The following NBEAL1 variants were observed in gnomAD, a reference collection of about 807,000 sequenced individuals.
NBEAL1 encodes neurobeachin-like protein 1.
Under a neutral mutation model 351.3 loss-of-function variants are expected in NBEAL1, and 273 were observed. The observed-to-expected ratio is 0.78, with a 90% confidence interval of 0.70 to 0.86. The LOEUF (loss-of-function observed/expected upper bound fraction) is 0.86. NBEAL1 is among the 40% of genes least tolerant of loss of function. NBEAL1 has a pLI of 0.00. For missense variants in NBEAL1, 2,961 were observed against 3,201.3 expected (o/e 0.92, Z 1.81); for synonymous variants, 1,050 against 1,086.4 (o/e 0.97, Z 0.66).
chr2:203,148,764 G>T (rs191533871), intron 33 of NBEAL1, among the ~76,000 whole-genome samples: 17 of 150,596 alleles, frequency 1.1e-4, no homozygotes, highest in African/African-American at 3.9e-4. Flanking sequence ...ATTGTTGGTT[G>T]GTTTTTTTTT....
At chr2:203,200,819 T>A (rs2065376637) in intron 49 of NBEAL1, among the ~76,000 whole-genome samples, 1 of 152,278 alleles carries the variant, frequency 6.6e-6, no homozygotes, top group South Asian at 2.1e-4. Flanking sequence ...CTTCCTCAAC[T>A]AGAATACAAC....
In NBEAL1 at chr2:203,209,183, C is replaced by T. The variant is rs770424685; in HGVS notation, c.7646C>T (p.Thr2549Ile). The stretch of plus-strand genomic sequence containing the variant: ...TAGGATGGAACGGTGATTATACATA[C>T]CATTCAGAAAGGTCAGTACATGAGG... ...GSRDGTVIIHTIQKGQYMRTL... is the reference protein window; with the variant it reads ...GSRDGTVIIHIIQKGQYMRTL... The change falls in exon 53 of 56, where the codon ACC (threonine) becomes ATC (isoleucine). Residue 2549 changes from threonine to isoleucine, a missense_variant. Transcript: ENST00000683969. 4 of 1,613,224 alleles carry T rather than the reference C, an allele frequency of 2.5e-6. No homozygotes were observed. Among genetic ancestry groups the T allele is most frequent in the Non-Finnish European group, 3.4e-6 (4 of 1,179,358 alleles).
chr2:203,201,539 A>G lies in NBEAL1; in HGVS notation c.7239-4A>G. ...AAAAGTCTGATATTTAATTGTGTTT[A>G]CAGAACTCAGCGCAGTATAAATGGT... On this transcript the variant is annotated splice_region_variant and splice_polypyrimidine_tract_variant and intron_variant, in intron 49 of 55. Coordinates refer to ENST00000683969, the MANE Select transcript of NBEAL1 (RefSeq NM_001378026.1). The G allele has an allele frequency of 6.5e-7, 1 of 1,530,562 alleles. No homozygotes were observed. Among genetic ancestry groups the G allele is most frequent in the East Asian group, 2.3e-5 (1 of 43,434 alleles). The allele number at this position is 1,530,562 out of a possible 1,614,324, so 94.8% of individuals were successfully genotyped here. A position where few individuals can be genotyped will look rare whatever the true frequency, so the allele number is the denominator to read the frequency against.
intron 24 of NBEAL1, among the ~76,000 whole-genome samples, chr2:203,128,783 A>C (rs1233725890): frequency 6.6e-6 from 1 of 151,780 alleles, no homozygotes; most frequent in Non-Finnish European, 1.5e-5. Flanking sequence ...TTGTTAGTAG[A>C]GATGGGGTTT....
chr2:203,041,992 A>T (rs2061149872), intron 3 of NBEAL1, 136 bp downstream of exon 3: 1 of 652,434 alleles, frequency 1.5e-6, no homozygotes, highest in Non-Finnish European at 2.7e-6. Flanking sequence ...TCTCATAGAG[A>T]CATAGCTAAT....
In NBEAL1 at chr2:203,108,150, C is replaced by T. The variant is rs1209126940; in HGVS notation, c.1911C>T (p.Gly637=). ...FCLDQDQLTL[G]IANKGGKRKQ... is the part of the protein sequence containing the mutation. ...TAGACCAGGATCAGTTGACTCTTGGCATTGCTAACAAAGGAGGGAAAAGGA... is the reference window on the plus strand; with the variant it reads ...TAGACCAGGATCAGTTGACTCTTGGTATTGCTAACAAAGGAGGGAAAAGGA... The change falls in exon 14 of 56, where the codon GGC becomes GGT. Residue 637 remains glycine, a synonymous_variant. Coordinates refer to ENST00000683969, the MANE Select transcript of NBEAL1 (RefSeq NM_001378026.1). 1 of 1,551,270 alleles carries T rather than the reference C, an allele frequency of 6.4e-7. No homozygotes were observed. Among genetic ancestry groups the T allele is most frequent in the Non-Finnish European group, 8.7e-7 (1 of 1,146,562 alleles).
chr2:203,099,372 A>C (rs1268086705), intron 11 of NBEAL1, among the ~76,000 whole-genome samples: 2 of 152,002 alleles, frequency 1.3e-5, no homozygotes, highest in Non-Finnish European at 1.5e-5. Context: ...AGCATGTGTT[A>C]AGCTTGTTTT....
chr2:203,040,152 T>C, intron 2 of NBEAL1: 1 of 1,486,662 alleles, frequency 6.7e-7, no homozygotes. Flanking sequence ...TTCCAGAAAA[T>C]CTCCTGAAAA....
Position 203,049,864 on chromosome 2 carries a change from A to T in NBEAL1, c.194A>T (p.Gln65Leu). The T allele has an allele frequency of 6.4e-7, 1 of 1,555,952 alleles. No individual in the cohort carries two copies. Among genetic ancestry groups the T allele is most frequent in the Non-Finnish European group, 8.7e-7 (1 of 1,147,930 alleles). ...TCTCTGCTTCCTGATAATATTCTGC[A>T]GGTTCTGAGGATCCAGCTTCTACAG... ...GISLLPDNIL[Q>L]VLRIQLLQCV... is the part of the protein sequence containing the mutation. The change falls in exon 4 of 56, where the codon CAG (glutamine) becomes CTG (leucine). Residue 65 changes from glutamine to leucine, a missense_variant. By Grantham distance (113) the Gln-to-Leu change is moderately radical (BLOSUM62 -2). Coordinates refer to ENST00000683969, the MANE Select transcript of NBEAL1 (RefSeq NM_001378026.1).
intron 7 of NBEAL1, among the ~76,000 whole-genome samples, chr2:203,076,965 A>G (rs548234939): frequency 1.3e-5 from 2 of 152,316 alleles, no homozygotes; most frequent in South Asian, 4.1e-4. Flanking sequence ...CTAGAAAATG[A>G]AAGAGTTGGA....
At chr2:203,112,958 G>C (rs1483985627) in intron 16 of NBEAL1, 57 bp from the exon 17 acceptor site, 1 of 1,318,684 alleles carries the variant, frequency 7.6e-7, no homozygotes, top group Non-Finnish European at 1.0e-6. Context: ...GTAATTTTAT[G>C]TTAAATATGA....
chr2:203,161,991 G>C (rs1018005122), intron 36 of NBEAL1, among the ~76,000 whole-genome samples: 1 of 151,142 alleles, frequency 6.6e-6, no homozygotes, highest in African/African-American at 2.4e-5. Context: ...TGAGTTTTGG[G>C]GGTTTTGTTT....
intron 10 of NBEAL1, among the ~76,000 whole-genome samples, chr2:203,094,609 C>T (rs1287831174): frequency 2.0e-5 from 3 of 152,080 alleles, no homozygotes; most frequent in Non-Finnish European, 2.9e-5. Flanking sequence ...TTTAAGTATG[C>T]GTTGATTTCC....
At chr2:203,197,768 G>T (rs1287678417) in intron 48 of NBEAL1, among the ~76,000 whole-genome samples, 2 of 151,996 alleles carry the variant, frequency 1.3e-5, no homozygotes, top group Non-Finnish European at 2.9e-5. Flanking sequence ...AATTAGAAAG[G>T]CGTGGAGGCA....
At chr2:203,131,096 C>T (rs1167626165) in intron 25 of NBEAL1, among the ~76,000 whole-genome samples, 1 of 152,224 alleles carries the variant, frequency 6.6e-6, no homozygotes, top group South Asian at 2.1e-4. Context: ...CTAAGCCTTT[C>T]TCATTAAGAA....
intron 44 of NBEAL1, among the ~76,000 whole-genome samples, chr2:203,186,766 ATT>A (rs2064908185): frequency 6.6e-6 from 1 of 152,144 alleles, no homozygotes; most frequent in African/African-American, 2.4e-5. Flanking sequence ...GTCTAATTCC[ATT>A]TAAAACTTTA....
chr2:203,209,776 G>T (rs2065727919), intron 53 of NBEAL1, among the ~76,000 whole-genome samples: 1 of 141,864 alleles, frequency 7.0e-6, no homozygotes, highest in South Asian at 2.2e-4. Context: ...TCACTCTGTT[G>T]TCCAAGCTGG....
At chr2:203,099,889 C>T (rs900129899) in intron 12 of NBEAL1, among the ~76,000 whole-genome samples, 177 bp downstream of exon 12, 1 of 152,144 alleles carries the variant, frequency 6.6e-6, no homozygotes, top group African/African-American at 2.4e-5. Flanking sequence ...AATCTTCCCG[C>T]TCCTCCTTCC....
intron 36 of NBEAL1, among the ~76,000 whole-genome samples, chr2:203,160,340 C>T (rs1176974311): frequency 1.3e-5 from 2 of 152,132 alleles, no homozygotes; most frequent in African/African-American, 4.8e-5. Context: ...CTCGGCTTCC[C>T]AAAGTGCCTG....
Sources: allele counts gnomAD v4.1 joint callset (sites outside exome capture counted in the v4.1 genomes callset), GRCh38; gene constraint gnomAD v4.1.1; transcripts MANE v1.5; gene names NCBI Gene and HGNC (gene_info 2026-07-23, HGNC 2026-07-21).